The following GBP2 variants were observed in gnomAD, a reference collection of about 807,000 sequenced individuals.
GBP2 encodes the protein guanylate-binding protein 2.
GBP2 carries 54 observed loss-of-function variants against 60.8 expected under a neutral mutation model. That is an observed-to-expected ratio of 0.89 (90% CI 0.71 to 1.11). GBP2 has a LOEUF of 1.11. GBP2 is among the 50% of genes most tolerant of loss of function. GBP2 has a pLI of 0.00. For synonymous variants in GBP2, 243 were observed against 256.5 expected, an observed-to-expected ratio of 0.95 and a Z score of 0.50; for missense variants, 665 against 703.3, an observed-to-expected ratio of 0.95 and a Z score of 0.62.
At chr1:89,110,520 A>G (rs1681141253) in intron 8 of GBP2, among the ~76,000 whole-genome samples, 1 of 152,228 alleles carries the variant, frequency 6.6e-6, no homozygotes, top group African/African-American at 2.4e-5. Context: ...CACACCATGG[A>G]ATACTACTCA....
At chr1:89,122,061 A>T in intron 1 of GBP2, 78 bp from the exon 2 acceptor site, 1 of 1,083,274 alleles carries the variant, frequency 9.2e-7, no homozygotes, top group Non-Finnish European at 1.3e-6. Context: ...ATATGGGTTA[A>T]ATTTTTGTTT....
intron 3 of GBP2, 87 bp from the exon 4 acceptor site, chr1:89,120,375 C>T: frequency 6.6e-6 from 7 of 1,065,342 alleles, no homozygotes; most frequent in African/African-American, 1.6e-5. Context: ...TGAACTCCAA[C>T]TCTGTCTCTC....
intron 3 of GBP2, 72 bp from the exon 4 acceptor site, chr1:89,120,360 C>T: frequency 8.3e-7 from 1 of 1,209,178 alleles, no homozygotes; most frequent in South Asian, 1.2e-5. Flanking sequence ...TAGCTGAAGA[C>T]TGACTGAACT....
rs1228347251 is a variant in GBP2 at position 89,107,630 on chromosome 1, C to T, written c.*545G>A. Among the ~76,000 whole-genome samples the T allele has an allele frequency of 6.6e-6, 1 of 152,142 alleles. No individual in the cohort carries two copies. Among genetic ancestry groups the T allele is most frequent in the Non-Finnish European group, 1.5e-5 (1 of 68,022 alleles). On this transcript the variant is annotated 3_prime_UTR_variant, in exon 11 of 11. Transcript: ENST00000370466. ...TACTTTAAAAGCCTAGTTAAGTGTC[C>T]CAGATCTCCTTTATTTGCAGCCAGC...
intron 1 of GBP2, among the ~76,000 whole-genome samples, chr1:89,125,125 A>G (rs1681494258): frequency 6.6e-6 from 1 of 152,214 alleles, no homozygotes; most frequent in African/African-American, 2.4e-5. Flanking sequence ...AATCCCTGTA[A>G]CTTAAAATGA....
chr1:89,119,943 T>C (rs1681365572), intron 4 of GBP2: 2 of 464,908 alleles, frequency 4.3e-6, no homozygotes, highest in Non-Finnish European at 7.8e-6. Context: ...GGAGATTAAG[T>C]CAGATAGAGG....
At chr1:89,116,864 G>A (rs1195412758) in intron 6 of GBP2, 128 bp downstream of exon 6, 1 of 839,034 alleles carries the variant, frequency 1.2e-6, no homozygotes, top group African/African-American at 1.7e-5. Context: ...TGATTTTCAT[G>A]TTGTATTTTC....
At chr1:89,116,684 G>A (rs1320384063) in intron 6 of GBP2, among the ~76,000 whole-genome samples, 3 of 151,904 alleles carry the variant, frequency 2.0e-5, no homozygotes, top group Non-Finnish European at 2.9e-5. Context: ...TTTTTTCTTT[G>A]TTGCTCAGTA....
At chr1:89,108,899 C>CTTTTT (rs1553121700) in intron 10 of GBP2, among the ~76,000 whole-genome samples, 1 of 146,994 alleles carries the variant, frequency 6.8e-6, no homozygotes. Flanking sequence ...GGGAATCTTT[C>CTTTTT]TTTTTTTTTT....
chr1:89,114,471 A>G (rs1489696356), intron 6 of GBP2, among the ~76,000 whole-genome samples, 175 bp from the exon 7 acceptor site: 1 of 152,160 alleles, frequency 6.6e-6, no homozygotes, highest in Admixed American at 6.5e-5. Context: ...GCTCTTTCCT[A>G]TTTCCTTCAC....
In GBP2 at chr1:89,112,376, A is replaced by G. The variant is rs112105585; in HGVS notation, c.1362+96T>C. The G allele has an allele frequency of 1.1e-5, 10 of 935,560 alleles. 1 individual carries two copies. The African/African-American group carries it at 1.1e-4, about 11-fold the overall frequency. The allele number at this position is 935,560 out of a possible 1,614,324, so 58.0% of individuals were successfully genotyped here. ...TGGAAAAATGAAAGGCAGAGGCCCT[A>G]GGCACCAGTTGCAGTGCCATTTACC... On this transcript the variant is annotated intron_variant, in intron 8 of 10. Coordinates refer to ENST00000370466, the MANE Select transcript of GBP2 (RefSeq NM_004120.5).
chr1:89,116,248 A>AAGTGATTC (rs1262308531), intron 6 of GBP2, among the ~76,000 whole-genome samples: 1 of 152,018 alleles, frequency 6.6e-6, no homozygotes, highest in Non-Finnish European at 1.5e-5. Context: ...CCTGAGCTCA[A>AAGTGATTC]AGTGATTCAC....
At chr1:89,110,060 A>G in intron 9 of GBP2, 104 bp downstream of exon 9, 1 of 970,246 alleles carries the variant, frequency 1.0e-6, no homozygotes, top group Non-Finnish European at 1.6e-6. Context: ...TATGAATGAT[A>G]CTTGCCATTC....
At chr1:89,110,040 C>G in intron 9 of GBP2, 124 bp downstream of exon 9, 1 of 941,148 alleles carries the variant, frequency 1.1e-6, no homozygotes, top group Non-Finnish European at 1.6e-6. Flanking sequence ...TAAGAAAACT[C>G]TCATAGAACT....
At chr1:89,114,426 T>G (rs1681227743) in intron 6 of GBP2, 130 bp from the exon 7 acceptor site, 1 of 1,108,584 alleles carries the variant, frequency 9.0e-7, no homozygotes. Flanking sequence ...AATGGAATAA[T>G]TTGTTAACCT....
At chr1:89,112,782 G>A (rs1681192029) in intron 7 of GBP2, 98 bp from the exon 8 acceptor site, 5 of 950,346 alleles carry the variant, frequency 5.3e-6, no homozygotes, top group Non-Finnish European at 8.3e-6. Context: ...AGAAATTGTG[G>A]CCCTCTAAAT....
chr1:89,113,080 C>A (rs1280026207), intron 7 of GBP2: 1 of 229,002 alleles, frequency 4.4e-6, no homozygotes, highest in East Asian at 1.2e-4. Flanking sequence ...TCTTTGTGAA[C>A]TGAGGATTCC....
Position 89,107,176 on chromosome 1 carries a change from T to C in GBP2, c.*999A>G, listed in dbSNP as rs987917668. On this transcript the variant is annotated 3_prime_UTR_variant, in exon 11 of 11. Coordinates refer to ENST00000370466, the MANE Select transcript of GBP2 (RefSeq NM_004120.5). ...GTAGTAGGATAATGTTTTGTATTAA[T>C]GAATTATTCTTGATTTTTCAATCTG... 6.6e-6 allele frequency: 1 copy of C among 152,180 alleles called. No individual in the cohort carries two copies. The highest frequency in any genetic ancestry group is 2.4e-5 in the African/African-American group (1 of 41,440). 9.4% of individuals were successfully genotyped at this position (152,180 alleles called of 1,614,324 possible).
rs750141433 is a variant in GBP2, at chr1:89,114,024, T to G, written c.1141A>C (p.Lys381Gln). The change falls in exon 7 of 11, where the codon AAA (lysine) becomes CAA (glutamine). Residue 381 changes from lysine to glutamine, a missense_variant. Transcript: ENST00000370466. Reference sequence around the variant, plus strand: ...TAGAACACCAAATATACCCCTAATTTCCTCTGGAACATTTGGTCCACATCC... The same window carrying G: ...TAGAACACCAAATATACCCCTAATTGCCTCTGGAACATTTGGTCCACATCC... Reference protein sequence around the residue: ...FKDVDQMFQRKLGAQLEARRD... With the variant: ...FKDVDQMFQRQLGAQLEARRD... The G allele has an allele frequency of 2.5e-6, 4 of 1,614,210 alleles. No individual in the cohort carries two copies. The African/African-American group carries it at 5.3e-5, about 22-fold the overall frequency.
Sources: allele counts gnomAD v4.1 joint callset (sites outside exome capture counted in the v4.1 genomes callset), GRCh38; gene constraint gnomAD v4.1.1; transcripts MANE v1.5; gene names NCBI Gene and HGNC (gene_info 2026-07-23, HGNC 2026-07-21).